MORC1: variants seen among roughly 807,000 people sequenced by gnomAD.
The protein encoded by MORC1 is MORC family CW-type zinc finger protein 1.
Under a neutral mutation model 134.9 loss-of-function variants are expected in MORC1, and 59 were observed. That is an observed-to-expected ratio of 0.44 (90% CI 0.35 to 0.54). The LOEUF (loss-of-function observed/expected upper bound fraction) is 0.54, where lower values mean the gene tolerates loss of function less well. MORC1 is among the 20% of genes least tolerant of loss of function. The pLI is 0.00. For synonymous variants in MORC1, 395 were observed against 391.7 expected (o/e 1.01, Z -0.10); for missense variants, 947 against 1,134.5 (o/e 0.83, Z 2.37).
chr3:109,020,829 G>A (rs1948941972), intron 17 of MORC1, among the ~76,000 whole-genome samples: 1 of 151,860 alleles, frequency 6.6e-6, no homozygotes, highest in Admixed American at 6.6e-5. Flanking sequence ...GAGGAAGGGA[G>A]CAGATTCAGA....
intron 21 of MORC1, among the ~76,000 whole-genome samples, chr3:108,988,767 G>T (rs1034109764): frequency 3.9e-5 from 6 of 152,138 alleles, no homozygotes. Flanking sequence ...CAAGGTTAAT[G>T]AAAATGACAG....
chr3:109,109,375 C>T (rs773960594), intron 3 of MORC1, among the ~76,000 whole-genome samples: 3 of 152,176 alleles, frequency 2.0e-5, no homozygotes, highest in Admixed American at 6.5e-5. Flanking sequence ...TAATAGACAA[C>T]AAATTATTAC....
intron 5 of MORC1, among the ~76,000 whole-genome samples, chr3:109,099,969 C>G (rs1950895767): frequency 6.6e-6 from 1 of 152,116 alleles, no homozygotes; most frequent in African/African-American, 2.4e-5. Flanking sequence ...ATGGGCCGGG[C>G]GTGGTGGCTC....
intron 2 of MORC1, 55 bp downstream of exon 2, chr3:109,114,329 C>A: frequency 7.0e-7 from 1 of 1,431,794 alleles, no homozygotes; most frequent in Admixed American, 2.0e-5. Context: ...TGTAATTAGA[C>A]AAGAGTTATG....
intron 20 of MORC1, 65 bp from the exon 21 acceptor site, chr3:109,000,723 A>C: frequency 8.6e-7 from 1 of 1,163,098 alleles, no homozygotes; most frequent in Non-Finnish European, 1.2e-6. Flanking sequence ...ATACTAAACT[A>C]CCTTCACTCT....
intron 14 of MORC1, 24 bp downstream of exon 14, chr3:109,054,704 C>G: frequency 6.7e-7 from 1 of 1,491,628 alleles, no homozygotes; most frequent in Non-Finnish European, 8.9e-7. Context: ...TAAGTATCTC[C>G]TACTATGACT....
rs964927791 is a variant in MORC1 at position 108,958,892 on chromosome 3, A to C, written c.*73T>G. 2.7e-5 allele frequency: 32 copies of C among 1,188,532 alleles called. No individual in the cohort carries two copies. The highest frequency in any genetic ancestry group is 3.2e-5 in the African/African-American group (2 of 62,252). The allele number at this position is 1,188,532 out of a possible 1,614,324, so 73.6% of individuals were successfully genotyped here. A position where few individuals can be genotyped will look rare whatever the true frequency, so the allele number is the denominator to read the frequency against. On this transcript the variant is annotated 3_prime_UTR_variant, in exon 28 of 28. Transcript: ENST00000232603. ...AATAGACTTTACAGTAACAACAACA[A>C]AAAAGAAAAATTTTTAAAAGAATCT...
chr3:109,098,729 G>A, intron 6 of MORC1, among the ~76,000 whole-genome samples: 1 of 152,132 alleles, frequency 6.6e-6, no homozygotes, highest in Non-Finnish European at 1.5e-5. Flanking sequence ...CAATTCATAT[G>A]TGTCTACCTT....
At chr3:109,100,655 CCA>C (rs1341536391) in intron 4 of MORC1, 148 bp from the exon 5 acceptor site, 7 of 647,132 alleles carry the variant, frequency 1.1e-5, no homozygotes, top group South Asian at 1.8e-5. Context: ...TCATCAGAAT[CCA>C]CAGTCTCTGA....
At chr3:109,017,161 C>T (rs1948835639) in intron 17 of MORC1, among the ~76,000 whole-genome samples, 1 of 122,214 alleles carries the variant, frequency 8.2e-6, no homozygotes, top group African/African-American at 3.4e-5. Context: ...TCTTGCTGAG[C>T]TTGGCAATCA....
intron 15 of MORC1, among the ~76,000 whole-genome samples, chr3:109,033,965 G>C (rs1949309935): frequency 6.6e-6 from 1 of 152,094 alleles, no homozygotes; most frequent in African/African-American, 2.4e-5. Flanking sequence ...AACAGTACCT[G>C]GTACAAATCA....
intron 6 of MORC1, among the ~76,000 whole-genome samples, chr3:109,095,269 G>A (rs760786185): frequency 6.6e-6 from 1 of 152,146 alleles, no homozygotes; most frequent in Non-Finnish European, 1.5e-5. Context: ...ATACTCCATT[G>A]TGGAATATGG....
intron 23 of MORC1, among the ~76,000 whole-genome samples, chr3:108,983,906 C>A (rs1947825105): frequency 6.6e-6 from 1 of 152,204 alleles, no homozygotes; most frequent in African/African-American, 2.4e-5. Flanking sequence ...TAATTTAGAA[C>A]CCTTTGGGAA....
intron 4 of MORC1, among the ~76,000 whole-genome samples, chr3:109,100,930 C>T (rs6805698): frequency 0.48 from 72,240 of 151,898 alleles, 20,325 homozygotes; most frequent in East Asian, 0.9. Flanking sequence ...ACGGAAATAC[C>T]GTGCCATCTT....
At chr3:109,100,034 A>C (rs1950897044) in intron 5 of MORC1, among the ~76,000 whole-genome samples, 1 of 152,164 alleles carries the variant, frequency 6.6e-6, no homozygotes, top group Non-Finnish European at 1.5e-5. Flanking sequence ...ACTTGAGGTC[A>C]GGAGTTCGAG....
At chr3:109,021,603 T>C (rs1369607510) in intron 17 of MORC1, among the ~76,000 whole-genome samples, 1 of 152,202 alleles carries the variant, frequency 6.6e-6, no homozygotes, top group Admixed American at 6.5e-5. Context: ...GTCAACCCCA[T>C]GGCAAAATAA....
At chr3:109,066,288 CTT>C (rs377008017) in intron 9 of MORC1, among the ~76,000 whole-genome samples, 4 of 144,324 alleles carry the variant, frequency 2.8e-5, no homozygotes, top group Non-Finnish European at 3.1e-5. Context: ...CTCTTTTTTT[CTT>C]TTTTTTTTTT....
rs1341855355 is a variant in MORC1, at chr3:109,035,487, G to A, written c.1331-19C>T. 39 of 1,355,078 alleles carry A rather than the reference G, an allele frequency of 2.9e-5. No homozygotes were observed. The highest frequency in any genetic ancestry group is 2.5e-4 in the Middle Eastern group (1 of 4,030). 83.9% of individuals were successfully genotyped at this position (1,355,078 alleles called of 1,614,324 possible). On this transcript the variant is annotated intron_variant, in intron 14 of 27. Transcript: ENST00000232603. The stretch of plus-strand genomic sequence containing the variant: ...CTATTATCTTTTAAAAAAAAAAGCA[G>A]GCAAAGAATAACAAAAAAAAATCAT...
chr3:109,038,596 T>C (rs13081865), intron 14 of MORC1, among the ~76,000 whole-genome samples: 18,075 of 152,242 alleles, frequency 0.12, 1,151 homozygotes, highest in Non-Finnish European at 0.14. Context: ...CTTTAATCCA[T>C]CTTGAGTTAA....
Sources: gnomAD v4.1 joint callset for allele counts (sites outside exome capture counted in the v4.1 genomes callset) on GRCh38, gnomAD v4.1.1 for gene constraint, MANE v1.5 for transcripts, NCBI Gene and HGNC (gene_info 2026-07-23, HGNC 2026-07-21) for gene names.